The following DNAH14 variants were observed in gnomAD, a reference collection of about 807,000 sequenced individuals.
DNAH14 encodes dynein axonemal heavy chain 14.
DNAH14 carries 478 observed loss-of-function variants against 520.9 expected under a neutral mutation model. That is an observed-to-expected ratio of 0.92 (90% CI 0.85 to 0.99). The LOEUF is 0.99. Ranked by LOEUF, DNAH14 falls within the 50% of genes least tolerant of loss-of-function variation. The pLI is 0.00. For missense variants in DNAH14, 4,831 were observed against 5,234.5 expected (o/e 0.92, Z 2.38); for synonymous variants, 1,581 against 1,757.2 (o/e 0.90, Z 2.51).
intron 78 of DNAH14, among the ~76,000 whole-genome samples, chr1:225,375,750 C>CT (rs57680981): frequency 0.32 from 45,891 of 144,648 alleles, 8,854 homozygotes; most frequent in African/African-American, 0.56. Context: ...GCTATGAGGG[C>CT]TTTTTTTTTT....
In DNAH14 at chr1:225,374,929, A is replaced by C. The variant is rs963803991; in HGVS notation, c.12516+44A>C. The C allele has an allele frequency of 2.7e-6, 4 of 1,467,416 alleles. No homozygotes were observed. In the Admixed American group the frequency reaches 9.4e-5, roughly 35 times the overall value. The allele number at this position is 1,467,416 out of a possible 1,614,324, so 90.9% of individuals were successfully genotyped here. On this transcript the variant is annotated intron_variant, in intron 78 of 85. Coordinates refer to ENST00000682510, the MANE Select transcript of DNAH14 (RefSeq NM_001367479.1). The stretch of plus-strand genomic sequence containing the variant: ...TTCTTGCATTTCTCGATAATTTTAA[A>C]GTAAACATTGTTGCTTTATTTAAAA...
chr1:225,020,124 G>A (rs2501117), intron 10 of DNAH14, among the ~76,000 whole-genome samples: 137,493 of 152,032 alleles, frequency 0.9, 63,722 homozygotes, highest in East Asian at 1. Flanking sequence ...AGATTTATAA[G>A]GAAAAAAATA....
intron 21 of DNAH14, among the ~76,000 whole-genome samples, chr1:225,093,503 A>G (rs570041268): frequency 6.6e-6 from 1 of 152,302 alleles, no homozygotes; most frequent in South Asian, 2.1e-4. Flanking sequence ...AAAGCCATAT[A>G]TGACAAACCC....
At chr1:225,335,353 G>GTGTGTACATGTGTGTGTGTGCA (rs1553335256) in intron 66 of DNAH14, among the ~76,000 whole-genome samples, 1 of 39,416 alleles carries the variant, frequency 2.5e-5, no homozygotes, top group Non-Finnish European at 4.9e-5. Context: ...GTGTGTATAT[G>GTGTGTACATGTGTGTGTGTGCA]CATATACACG....
chr1:224,945,397 A>T lies in DNAH14; in HGVS notation c.-33-7273A>T, dbSNP rs966184820. On this transcript the variant is annotated intron_variant, in intron 1 of 85. Transcript: ENST00000682510. ...GTTATTCTAGTTAGCCATTCATCTT[A>T]TTTTTTTTCAAGGTTTTTAACTTCT... Among the ~76,000 whole-genome samples, 12 of 151,466 alleles carry T rather than the reference A, an allele frequency of 7.9e-5. No individual in the cohort carries two copies. The East Asian group carries it at 2.3e-3, about 30-fold the overall frequency.
intron 47 of DNAH14, 144 bp downstream of exon 47, chr1:225,264,405 C>G: frequency 1.4e-6 from 1 of 735,546 alleles, no homozygotes; most frequent in Non-Finnish European, 2.2e-6. Flanking sequence ...CTATCCCACA[C>G]CCTCTCAAAC....
chr1:225,142,271 A>G (rs1157751172), intron 28 of DNAH14, among the ~76,000 whole-genome samples: 1 of 152,206 alleles, frequency 6.6e-6, no homozygotes, highest in Non-Finnish European at 1.5e-5. Context: ...GTAAGTGTCT[A>G]TGAGTTTAGG....
chr1:225,100,696 T>G lies in DNAH14; in HGVS notation c.3696-17T>G. ...GCCTTAAAAAAAATAAAATGACATC[T>G]AATTTTTTTTCTAAAGGCAACTCCC... On this transcript the variant is annotated splice_polypyrimidine_tract_variant and intron_variant, in intron 22 of 85. Coordinates refer to ENST00000682510, the MANE Select transcript of DNAH14 (RefSeq NM_001367479.1). 1.4e-6 allele frequency: 2 copies of G among 1,467,436 alleles called. No homozygotes were observed. The highest frequency in any genetic ancestry group is 1.8e-6 in the Non-Finnish European group (2 of 1,113,878). The allele number at this position is 1,467,436 out of a possible 1,614,324, so 90.9% of individuals were successfully genotyped here. A position where few individuals can be genotyped will look rare whatever the true frequency, so the allele number is the denominator to read the frequency against.
chr1:225,254,361 A>C (rs919163011), intron 44 of DNAH14, among the ~76,000 whole-genome samples: 7 of 152,196 alleles, frequency 4.6e-5, no homozygotes, highest in African/African-American at 1.7e-4. Context: ...AAATCCTGAA[A>C]TACCTGACAT....
At chr1:225,145,634 T>G (rs2079861745) in intron 30 of DNAH14, among the ~76,000 whole-genome samples, 1 of 152,216 alleles carries the variant, frequency 6.6e-6, no homozygotes, top group Non-Finnish European at 1.5e-5. Context: ...TTTTCAACAG[T>G]TGGATTCTTT....
chr1:225,252,190 C>A, intron 43 of DNAH14, 111 bp from the exon 44 acceptor site: 1 of 709,090 alleles, frequency 1.4e-6, no homozygotes. Context: ...TTGGTGAATA[C>A]TTATTATTTC....
At chr1:225,085,083 C>A (rs3128657) in intron 20 of DNAH14, among the ~76,000 whole-genome samples, 108,475 of 151,960 alleles carry the variant, frequency 0.71, 42,598 homozygotes, top group Non-Finnish European at 0.88. Context: ...CACTGAGTTG[C>A]ATTACTAAAA....
chr1:225,147,359 G>GT (rs148211135), intron 31 of DNAH14, 110 bp downstream of exon 31: 30,194 of 1,019,134 alleles, frequency 0.03, 535 homozygotes, highest in African/African-American at 0.15. Flanking sequence ...TCTTTGGGGT[G>GT]TTTTTTTTTT....
At chr1:225,163,128 A>G (rs1486043949) in intron 35 of DNAH14, among the ~76,000 whole-genome samples, 1 of 115,422 alleles carries the variant, frequency 8.7e-6, no homozygotes, top group Non-Finnish European at 1.7e-5. Context: ...ACAGCATAAG[A>G]CCCTATCTCA....
chr1:225,346,251 GAA>G lies in DNAH14; in HGVS notation c.10970_10971del (p.Lys3657SerfsTer8), dbSNP rs1353681369. On this transcript the variant is annotated frameshift_variant, in exon 70 of 86. Coordinates refer to ENST00000682510, the MANE Select transcript of DNAH14 (RefSeq NM_001367479.1). LOFTEE classifies it high-confidence loss of function. ...KEQEHSFKRE[K>X]VSPKEVHEFI... ...AACAAGAACATAGTTTTAAAAGGGA[GAA>G]AGTGTCTCCAAAAGAAGTTCATGAG... 6.4e-7 allele frequency: 1 copy of G among 1,551,518 alleles called. No homozygotes were observed. Among genetic ancestry groups the G allele is most frequent in the East Asian group, 2.4e-5 (1 of 40,920 alleles).
intron 73 of DNAH14, among the ~76,000 whole-genome samples, 167 bp from the exon 74 acceptor site, chr1:225,358,329 C>T (rs188873379): frequency 1.0e-3 from 157 of 152,244 alleles, no homozygotes; most frequent in South Asian, 2.1e-3. Context: ...AACATGGTGG[C>T]GGTTTCTCCT....
At chr1:225,219,302 G>T (rs1222315320) in intron 41 of DNAH14, among the ~76,000 whole-genome samples, 1 of 150,198 alleles carries the variant, frequency 6.7e-6, no homozygotes, top group African/African-American at 2.5e-5. Flanking sequence ...CAGAAGACAA[G>T]AAATAACTAA....
intron 21 of DNAH14, among the ~76,000 whole-genome samples, chr1:225,096,199 C>T (rs560850002): frequency 1.7e-4 from 26 of 152,060 alleles, no homozygotes; most frequent in Non-Finnish European, 3.5e-4. Context: ...CCAGGCTGGT[C>T]TCAAACTCCT....
Position 225,051,713 on chromosome 1 carries a change from T to A in DNAH14, c.2342T>A (p.Leu781Ter), listed in dbSNP as rs1188209022. ...VVSLDYQSEC[L>*]LYIDNVIHMS... Reference sequence around the variant, plus strand: ...AGTCTTGATTATCAATCAGAATGCTTACTGTATATTGACAACGTCATACAT... The same window carrying A: ...AGTCTTGATTATCAATCAGAATGCTAACTGTATATTGACAACGTCATACAT... Residue 781 changes from leucine (L) to a stop codon, truncating the protein, a stop_gained, in exon 17 of 86, where the codon TTA (leucine) becomes TAA (stop). Transcript: ENST00000682510. LOFTEE classifies it high-confidence loss of function. 4 of 1,551,102 alleles carry A rather than the reference T, an allele frequency of 2.6e-6. 1 individual carries two copies. The highest frequency in any genetic ancestry group is 3.5e-6 in the Non-Finnish European group (4 of 1,146,738).
Sources: gnomAD v4.1 joint callset for allele counts (sites outside exome capture counted in the v4.1 genomes callset) on GRCh38, gnomAD v4.1.1 for gene constraint, MANE v1.5 for transcripts, NCBI Gene and HGNC (gene_info 2026-07-23, HGNC 2026-07-21) for gene names.